The following RCBTB1 variants were observed in gnomAD, a reference collection of about 807,000 sequenced individuals.
RCBTB1 encodes the protein RCC1 and BTB domain-containing protein 1.
In RCBTB1, 46 loss-of-function variants were observed where a neutral mutation model predicts 62.4. That is an observed-to-expected ratio of 0.74 (90% CI 0.58 to 0.94). The LOEUF is 0.94. Ranked by LOEUF, RCBTB1 falls within the 40% of genes least tolerant of loss-of-function variation. The pLI is 0.00. For synonymous variants in RCBTB1, 222 were observed against 245.8 expected, an observed-to-expected ratio of 0.90 and a Z score of 0.91; for missense variants, 565 against 654.9, an observed-to-expected ratio of 0.86 and a Z score of 1.50.
intron 4 of RCBTB1, among the ~76,000 whole-genome samples, chr13:49,564,898 A>ACG (rs1962798262): frequency 6.7e-6 from 1 of 149,672 alleles, no homozygotes; most frequent in African/African-American, 2.5e-5. Context: ...CTCAAAAAAA[A>ACG]AAAGAAAGAA....
intron 3 of RCBTB1, 118 bp from the exon 4 acceptor site, chr13:49,566,886 T>G: frequency 2.0e-6 from 2 of 996,942 alleles, no homozygotes; most frequent in Non-Finnish European, 2.9e-6. Context: ...GAAAAGAGAC[T>G]GATATGGTTG....
At chr13:49,547,082 GA>G in intron 9 of RCBTB1, 1 of 1,280,202 alleles carries the variant, frequency 7.8e-7, no homozygotes, top group East Asian at 5.6e-5. Context: ...GATGTGTACA[GA>G]AGTGCTTCAG....
At position 49,566,516 on chromosome 13, in the gene RCBTB1, C is replaced by T. The variant is rs1402962842; in HGVS notation, c.277+102G>A. On this transcript the variant is annotated intron_variant, in intron 4 of 12. Transcript: ENST00000378302. ...TTCCTCTCAGAAATTAAGAAGCAAA[C>T]AATCCAAAATCAGTTATCTGGTATA... is the stretch of plus-strand genomic sequence containing the variant. The T allele has an allele frequency of 4.4e-6, 5 of 1,136,830 alleles. No individual in the cohort carries two copies. In the East Asian group the frequency reaches 9.9e-5, roughly 22 times the overall value. 70.4% of individuals were successfully genotyped at this position (1,136,830 alleles called of 1,614,324 possible). A position where few individuals can be genotyped will look rare whatever the true frequency, so the allele number is the denominator to read the frequency against.
intron 2 of RCBTB1, among the ~76,000 whole-genome samples, chr13:49,572,329 A>G (rs1433302279): frequency 1.4e-5 from 2 of 142,636 alleles, no homozygotes; most frequent in Admixed American, 7.0e-5. Context: ...TCTGTCTCAG[A>G]AAAAAAAAAA....
intron 4 of RCBTB1, among the ~76,000 whole-genome samples, chr13:49,561,771 A>G (rs1056407553): frequency 3.9e-5 from 6 of 152,066 alleles, no homozygotes; most frequent in Non-Finnish European, 8.8e-5. Flanking sequence ...AAAAAGCAAG[A>G]AGGTAGCTAA....
intron 8 of RCBTB1, among the ~76,000 whole-genome samples, chr13:49,550,716 G>T (rs1961254715): frequency 6.6e-6 from 1 of 152,190 alleles, no homozygotes; most frequent in Admixed American, 6.5e-5. Context: ...ATACCAAGAT[G>T]CATTCACACC....
chr13:49,541,638 C>T (rs1594253267), intron 11 of RCBTB1, 38 bp downstream of exon 11: 2 of 1,569,730 alleles, frequency 1.3e-6, no homozygotes, highest in Non-Finnish European at 8.6e-7. Context: ...ATATATTCTC[C>T]ACCATGCGGC....
rs1566258530 is a variant in RCBTB1 at position 49,567,156 on chromosome 13, C to T, written c.124G>A (p.Glu42Lys). The change falls in exon 3 of 13, where the codon GAG becomes AAG. Residue 42 changes from glutamate to lysine, a missense_variant and splice_region_variant. By Grantham distance (56) the Glu-to-Lys change is moderately conservative. Transcript: ENST00000378302. ...SEALYVTDNDEVFVFGLNYSN... is the reference protein window; with the variant it reads ...SEALYVTDNDKVFVFGLNYSN... ...ACTAGGTTTCAAGAGACTCTTACCT[C>T]ATCATTGTCAGTAACGTACAGTGCT... The T allele has an allele frequency of 1.2e-6, 2 of 1,613,986 alleles. No homozygotes were observed. Among genetic ancestry groups the T allele is most frequent in the Non-Finnish European group, 1.7e-6 (2 of 1,179,934 alleles).
intron 2 of RCBTB1, among the ~76,000 whole-genome samples, chr13:49,571,734 G>T (rs578152924): frequency 6.6e-6 from 1 of 152,070 alleles, no homozygotes. Context: ...GCAGCAGAGC[G>T]TAACTGTAAA....
Position 49,555,451 on chromosome 13 carries a change from T to A in RCBTB1, c.603+64A>T, listed in dbSNP as rs1351939517. 19 of 1,332,172 alleles carry A rather than the reference T, an allele frequency of 1.4e-5. 1 individual carries two copies. Among genetic ancestry groups the A allele is most frequent in the Non-Finnish European group, 1.9e-5 (18 of 925,844 alleles). 82.5% of individuals were successfully genotyped at this position (1,332,172 alleles called of 1,614,324 possible). A position where few individuals can be genotyped will look rare whatever the true frequency, so the allele number is the denominator to read the frequency against. On this transcript the variant is annotated intron_variant, in intron 6 of 12. Coordinates refer to ENST00000378302, the MANE Select transcript of RCBTB1 (RefSeq NM_018191.4). ...TCTTCCATCTGATACATTCACCTTG[T>A]GAAGAAACTGACGTGTAATTGAAAA...
chr13:49,534,530 GCAAGATCTA>G (rs1370195847), intron 12 of RCBTB1, among the ~76,000 whole-genome samples: 1 of 150,280 alleles, frequency 6.7e-6, no homozygotes, highest in Non-Finnish European at 1.5e-5. Context: ...ACACACACAC[GCAAGATCTA>G]CAAGGGAAAG....
At chr13:49,578,940 G>A (rs1259926296) in intron 2 of RCBTB1, among the ~76,000 whole-genome samples, 1 of 152,046 alleles carries the variant, frequency 6.6e-6, no homozygotes, top group Non-Finnish European at 1.5e-5. Context: ...TACGGTTTGG[G>A]GTAAACTTTG....
chr13:49,540,809 A>G (rs1960287044), intron 12 of RCBTB1, 67 bp downstream of exon 12: 4 of 1,540,946 alleles, frequency 2.6e-6, no homozygotes, highest in Non-Finnish European at 3.5e-6. Context: ...GCCTCACGCA[A>G]GAAGCGGGGG....
intron 8 of RCBTB1, among the ~76,000 whole-genome samples, chr13:49,550,868 G>A (rs1337648101): frequency 6.6e-6 from 1 of 152,170 alleles, no homozygotes; most frequent in Non-Finnish European, 1.5e-5. Context: ...TTGGGAGGCC[G>A]AGGTGGGTAG....
chr13:49,552,130 C>T, intron 7 of RCBTB1, 48 bp downstream of exon 7: 1 of 1,212,306 alleles, frequency 8.2e-7, no homozygotes, highest in Non-Finnish European at 1.2e-6. Context: ...CAAGTTAGAG[C>T]AAGGAAGGTA....
At chr13:49,559,770 C>T in intron 5 of RCBTB1, 148 bp downstream of exon 5, 1 of 634,574 alleles carries the variant, frequency 1.6e-6, no homozygotes, top group Non-Finnish European at 2.6e-6. Flanking sequence ...TCTGTGGGTG[C>T]ATGCTGGTGA....
chr13:49,544,745 C>CAAAAA lies in RCBTB1; in HGVS notation c.1163_1164insTTTTT (p.Leu388PhefsTer3), dbSNP rs747207415. ...AGCTCATGCAAAAATACCTGATTTT[C>CAAAAA]AAAACAGCTTTATGGACATGAATAT... On this transcript the variant is annotated frameshift_variant, in exon 10 of 13. Coordinates refer to ENST00000378302, the MANE Select transcript of RCBTB1 (RefSeq NM_018191.4). LOFTEE classifies it high-confidence loss of function. 6.2e-7 allele frequency: 1 copy of CAAAAA among 1,610,066 alleles called. No homozygotes were observed. The highest frequency in any genetic ancestry group is 8.5e-7 in the Non-Finnish European group (1 of 1,178,518).
At chr13:49,551,119 A>AG in intron 8 of RCBTB1, 2 of 393,626 alleles carry the variant, frequency 5.1e-6, no homozygotes, top group South Asian at 5.4e-5. Flanking sequence ...AGGGAAGGGA[A>AG]GGGAAGGGGG....
At chr13:49,549,253 A>G (rs968599967) in intron 9 of RCBTB1, among the ~76,000 whole-genome samples, 1 of 151,942 alleles carries the variant, frequency 6.6e-6, no homozygotes, top group Admixed American at 6.6e-5. Context: ...AAATGAAAGC[A>G]CTTATGAGAG....
Sources: allele counts gnomAD v4.1 joint callset (sites outside exome capture counted in the v4.1 genomes callset), GRCh38; gene constraint gnomAD v4.1.1; transcripts MANE v1.5; gene names NCBI Gene and HGNC (gene_info 2026-07-23, HGNC 2026-07-21).